COLEC10: variants seen among roughly 807,000 people sequenced by gnomAD.
COLEC10 encodes collectin-10.
A neutral mutation model predicts 28.4 loss-of-function variants in COLEC10; 22 were observed. The observed-to-expected ratio is 0.78, with a 90% CI of 0.55 to 1.11. The LOEUF (loss-of-function observed/expected upper bound fraction) is 1.11. COLEC10 is among the 50% of genes least tolerant of loss of function. COLEC10 has a pLI of 0.00. For synonymous variants in COLEC10, 125 were observed against 116.1 expected (o/e 1.08, Z -0.49); for missense variants, 361 against 344.1 (o/e 1.05, Z -0.39).
chr8:119,030,870 T>C (rs150703840), intron 2 of COLEC10, among the ~76,000 whole-genome samples: 2 of 152,296 alleles, frequency 1.3e-5, no homozygotes, highest in African/African-American at 4.8e-5. Context: ...CTTATAATTA[T>C]CCATCCTGTA....
intron 2 of COLEC10, among the ~76,000 whole-genome samples, chr8:119,025,781 T>G (rs1814180168): frequency 6.6e-6 from 1 of 152,208 alleles, no homozygotes. Context: ...AATTTTACCT[T>G]GACAAATAGG....
the COLEC10 span, among the ~76,000 whole-genome samples, chr8:118,966,429 G>A: frequency 5.3e-5 from 8 of 152,164 alleles, no homozygotes; most frequent in Non-Finnish European, 1.0e-4. Flanking sequence ...AAGAAGGAAC[G>A]AGTCATTCTT....
the COLEC10 span, among the ~76,000 whole-genome samples, chr8:118,968,038 T>C: frequency 6.6e-6 from 1 of 152,126 alleles, no homozygotes; most frequent in South Asian, 2.1e-4. Context: ...AATGAAATTA[T>C]TCAATATAGA....
At chr8:119,085,195 G>T (rs1025976730) in intron 1 of COLEC10, among the ~76,000 whole-genome samples, 2 of 152,194 alleles carry the variant, frequency 1.3e-5, no homozygotes, top group African/African-American at 4.8e-5. Context: ...TGGCTGACTT[G>T]AAAGAATTCA....
At chr8:119,078,573 T>C (rs1815301878) in intron 1 of COLEC10, among the ~76,000 whole-genome samples, 1 of 152,174 alleles carries the variant, frequency 6.6e-6, no homozygotes, top group Non-Finnish European at 1.5e-5. Context: ...TGAACATCAA[T>C]GGAAAATTCC....
At chr8:118,987,877 TA>T in the COLEC10 span, among the ~76,000 whole-genome samples, 7 of 152,140 alleles carry the variant, frequency 4.6e-5, no homozygotes, top group Non-Finnish European at 7.4e-5. Context: ...TTTATAAAAA[TA>T]ATAAATAGTC....
chr8:119,027,968 AT>A (rs2130121258), intron 2 of COLEC10, among the ~76,000 whole-genome samples: 1 of 152,214 alleles, frequency 6.6e-6, no homozygotes, highest in Non-Finnish European at 1.5e-5. Flanking sequence ...TTATTGCCTA[AT>A]TTCACCCTTA....
chr8:119,107,525 G>A lies in COLEC10; in HGVS notation c.*1334G>A, dbSNP rs1259743113. Among the ~76,000 whole-genome samples the A allele has an allele frequency of 6.6e-6, 1 of 152,166 alleles. No homozygotes were observed. Among genetic ancestry groups the A allele is most frequent in the Non-Finnish European group, 1.5e-5 (1 of 68,028 alleles). Reference sequence around the variant, plus strand: ...TGGCAAAATGGTTAATGAAGTAAGAGAAACAGATCAACAACATATGTTCAC... The same window carrying A: ...TGGCAAAATGGTTAATGAAGTAAGAAAAACAGATCAACAACATATGTTCAC... On this transcript the variant is annotated 3_prime_UTR_variant, in exon 6 of 6. Coordinates refer to ENST00000332843, the MANE Select transcript of COLEC10 (RefSeq NM_006438.5).
intron 2 of COLEC10, among the ~76,000 whole-genome samples, chr8:119,016,026 C>A (rs767412584): frequency 1.3e-5 from 2 of 152,028 alleles, no homozygotes; most frequent in Non-Finnish European, 2.9e-5. Flanking sequence ...GGAAACTGGG[C>A]TTTTTATTTT....
At chr8:119,003,459 C>T (rs1813736299) in intron 1 of COLEC10, among the ~76,000 whole-genome samples, 1 of 152,080 alleles carries the variant, frequency 6.6e-6, no homozygotes, top group Non-Finnish European at 1.5e-5. Context: ...AAAGTGAACA[C>T]TTTCTGATGT....
intron 2 of COLEC10, among the ~76,000 whole-genome samples, chr8:119,044,216 C>T (rs941330885): frequency 6.6e-5 from 10 of 152,208 alleles, no homozygotes; most frequent in African/African-American, 2.4e-4. Flanking sequence ...CTAATTAACA[C>T]ACACGTTTCA....
At chr8:119,055,134 T>C (rs1428152130) in intron 2 of COLEC10, among the ~76,000 whole-genome samples, 1 of 152,090 alleles carries the variant, frequency 6.6e-6, no homozygotes, top group African/African-American at 2.4e-5. Context: ...CAGGAATGGA[T>C]TGTATTCTGT....
At chr8:118,967,430 G>T in the COLEC10 span, among the ~76,000 whole-genome samples, 1 of 152,030 alleles carries the variant, frequency 6.6e-6, no homozygotes, top group Admixed American at 6.6e-5. Flanking sequence ...AAATGCCCTG[G>T]ATTAATTTCT....
the COLEC10 span, among the ~76,000 whole-genome samples, chr8:118,989,560 C>CACACACAT: frequency 2.7e-5 from 4 of 149,834 alleles, no homozygotes; most frequent in Non-Finnish European, 5.9e-5. Flanking sequence ...CACACACACA[C>CACACACAT]ACACACACAC....
At position 119,070,605 on chromosome 8, in the gene COLEC10, TTCTC is replaced by T. The variant is rs548484713; in HGVS notation, c.148+3182_148+3185del. Among the ~76,000 whole-genome samples, 595 of 140,620 alleles carry T rather than the reference TTCTC, an allele frequency of 4.2e-3. 6 individuals carry two copies. The highest frequency in any genetic ancestry group is 0.014 in the African/African-American group (551 of 38,184). The allele number at this position is 140,620 out of a possible 152,430, so 92.3% of individuals were successfully genotyped here. A position where few individuals can be genotyped will look rare whatever the true frequency, so the allele number is the denominator to read the frequency against. The stretch of plus-strand genomic sequence containing the variant: ...TCTCTCTCTCTCTCCCTCTCTCCCT[TTCTC>T]TCTCTTTTTTTCTCCCTCTTCCCCC... On this transcript the variant is annotated intron_variant, in intron 1 of 5. Coordinates refer to ENST00000332843, the MANE Select transcript of COLEC10 (RefSeq NM_006438.5).
intron 2 of COLEC10, among the ~76,000 whole-genome samples, chr8:119,040,107 T>G (rs764030759): frequency 5.3e-5 from 8 of 152,176 alleles, no homozygotes; most frequent in Non-Finnish European, 1.2e-4. Flanking sequence ...GTAAAGAATC[T>G]TCTATCTCTA....
chr8:118,967,492 A>T, the COLEC10 span, among the ~76,000 whole-genome samples: 1 of 152,060 alleles, frequency 6.6e-6, no homozygotes, highest in Non-Finnish European at 1.5e-5. Context: ...TCTATGCCTT[A>T]GTTTACTTAC....
chr8:119,022,669 CACCTGGA>C lies in COLEC10; in HGVS notation n.235+13117_235+13123del. 2.0e-5 allele frequency among the ~76,000 whole-genome samples: 3 copies of C among 152,168 alleles called. No individual in the cohort carries two copies. The East Asian group carries it at 5.8e-4, about 29-fold the overall frequency. Reference sequence around the variant, plus strand: ...TGTTGTATGAAGGGCACTCACCTCTCACCTGGATTGTTGCAGGAGCCTCCTAACCTCT... The same window carrying C: ...TGTTGTATGAAGGGCACTCACCTCTCTTGTTGCAGGAGCCTCCTAACCTCT... On this transcript the variant is annotated intron_variant and non_coding_transcript_variant, in intron 2 of 6. Transcript: ENST00000521788.
At chr8:119,099,769 C>T (rs1243763404) in intron 3 of COLEC10, among the ~76,000 whole-genome samples, 1 of 151,918 alleles carries the variant, frequency 6.6e-6, no homozygotes, top group East Asian at 1.9e-4. Context: ...CTTCTCCACT[C>T]TGATCCACAC....
Sources: gnomAD v4.1 joint callset for allele counts (sites outside exome capture counted in the v4.1 genomes callset) on GRCh38, gnomAD v4.1.1 for gene constraint, MANE v1.5 for transcripts, NCBI Gene and HGNC (gene_info 2026-07-23, HGNC 2026-07-21) for gene names.